The following PCDH15 variants were observed in gnomAD, a reference collection of about 807,000 sequenced individuals.
The protein encoded by PCDH15 is protocadherin related 15.
A neutral mutation model predicts 178.5 loss-of-function variants in PCDH15; 129 were observed. The observed-to-expected ratio is 0.72, with a 90% CI of 0.63 to 0.84. PCDH15 has a LOEUF of 0.84. Among genes scored for constraint, PCDH15 ranks in the 40% least tolerant of loss-of-function variants. PCDH15 has a pLI of 0.00. For synonymous variants in PCDH15, 800 were observed against 732.0 expected, an observed-to-expected ratio of 1.09 and a Z score of -1.50; for missense variants, 2,230 against 2,099.9, an observed-to-expected ratio of 1.06 and a Z score of -1.21.
At chr10:54,006,008 G>A (rs1037098062) in intron 20 of PCDH15, among the ~76,000 whole-genome samples, 4 of 152,008 alleles carry the variant, frequency 2.6e-5, no homozygotes, top group African/African-American at 2.4e-5. Context: ...AATGTGCAAC[G>A]ACATAATCAA....
rs147509240 is a variant in PCDH15, at chr10:55,621,439, T to C, written c.-156+6186A>G. ...CCCCAGGGGCTGCAGACCAGTTACC[T>C]GTTCATGGCCTGTTAGGAACTGGGC... On this transcript the variant is annotated intron_variant, in intron 2 of 5. Transcript: ENST00000613346. Among the ~76,000 whole-genome samples the C allele has an allele frequency of 5.7e-3, 870 of 152,304 alleles. 9 individuals carry two copies. The highest frequency in any genetic ancestry group is 0.02 in the African/African-American group (839 of 41,566).
At chr10:54,452,867 G>T (rs2076568379) in intron 3 of PCDH15, among the ~76,000 whole-genome samples, 1 of 152,046 alleles carries the variant, frequency 6.6e-6, no homozygotes, top group African/African-American at 2.4e-5. Flanking sequence ...TACACATTTA[G>T]ATGCTGTCCC....
At chr10:54,217,538 A>G (rs2052234173) in intron 9 of PCDH15, among the ~76,000 whole-genome samples, 1 of 152,162 alleles carries the variant, frequency 6.6e-6, no homozygotes, top group Non-Finnish European at 1.5e-5. Context: ...GGGGATGATA[A>G]AGAGATAGAA....
At chr10:53,918,483 C>T (rs2083714905) in intron 25 of PCDH15, among the ~76,000 whole-genome samples, 1 of 152,048 alleles carries the variant, frequency 6.6e-6, no homozygotes, top group Non-Finnish European at 1.5e-5. Flanking sequence ...AATAGTAGTA[C>T]TGAATAAAGA....
At position 55,557,727 on chromosome 10, in the gene PCDH15, A is replaced by T. The variant is rs545476731; in HGVS notation, c.-156+69898T>A. On this transcript the variant is annotated intron_variant, in intron 2 of 5. Transcript: ENST00000613346. Reference sequence around the variant, plus strand: ...TTGCTGCTATCTTAAAGCCAAATCAATAGTGATCCCGAAGGACAGAAGTCA... The same window carrying T: ...TTGCTGCTATCTTAAAGCCAAATCATTAGTGATCCCGAAGGACAGAAGTCA... Among the ~76,000 whole-genome samples the T allele has an allele frequency of 2.6e-5, 4 of 152,282 alleles. No individual in the cohort carries two copies. The South Asian group carries it at 8.3e-4, about 32-fold the overall frequency.
Position 53,870,288 on chromosome 10 carries a change from TA to T in PCDH15, c.3502-3432del, listed in dbSNP as rs1335965740. Among the ~76,000 whole-genome samples the T allele has an allele frequency of 4.6e-5, 7 of 152,306 alleles. No homozygotes were observed. The South Asian group carries it at 1.2e-3, about 27-fold the overall frequency. On this transcript the variant is annotated intron_variant, in intron 26 of 37. Transcript: ENST00000644397. Reference sequence around the variant, plus strand: ...AGTTTGGGTGTGGAACTAGACAATTTAACTCAGAAATAACTATTTTCTTTTA... The same window carrying T: ...AGTTTGGGTGTGGAACTAGACAATTTACTCAGAAATAACTATTTTCTTTTA...
chr10:53,930,027 C>G (rs2084908564), intron 25 of PCDH15, among the ~76,000 whole-genome samples: 1 of 152,140 alleles, frequency 6.6e-6, no homozygotes, highest in Admixed American at 6.6e-5. Context: ...GTTCTGGGTA[C>G]AGGCTTCTTG....
chr10:54,324,505 G>A (rs2061811292), intron 7 of PCDH15, among the ~76,000 whole-genome samples: 1 of 152,066 alleles, frequency 6.6e-6, no homozygotes, highest in African/African-American at 2.4e-5. Flanking sequence ...GTTCATGCCT[G>A]TAATCCCAGA....
intron 2 of PCDH15, among the ~76,000 whole-genome samples, chr10:55,102,765 G>A: frequency 6.6e-6 from 1 of 151,930 alleles, no homozygotes; most frequent in Non-Finnish European, 1.5e-5. Flanking sequence ...GCTTATTACT[G>A]ACCAGAGGCC....
At chr10:55,535,596 G>T (rs1841559362) in intron 2 of PCDH15, among the ~76,000 whole-genome samples, 1 of 151,910 alleles carries the variant, frequency 6.6e-6, no homozygotes, top group African/African-American at 2.4e-5. Context: ...CTTCTGGAAA[G>T]AAATATACAA....
At chr10:55,464,051 AAGAAAG>A (rs1373366908) in intron 2 of PCDH15, among the ~76,000 whole-genome samples, 3 of 126,280 alleles carry the variant, frequency 2.4e-5, no homozygotes, top group African/African-American at 8.2e-5. Context: ...GAAAGAAAGA[AAGAAAG>A]AAAGAAAAGG....
At position 53,883,133 on chromosome 10, in the gene PCDH15, ACAT is replaced by A. The variant is rs201752003; in HGVS notation, c.3502-16279_3502-16277del. Among the ~76,000 whole-genome samples the A allele has an allele frequency of 6.9e-3, 1,035 of 149,872 alleles. 12 individuals are homozygous for A. Among genetic ancestry groups the A allele is most frequent in the African/African-American group, 0.021 (863 of 40,520 alleles). On this transcript the variant is annotated intron_variant, in intron 26 of 37. Coordinates refer to ENST00000644397, the MANE Select transcript of PCDH15 (RefSeq NM_001384140.1). ...TACACATATGTATACATATAAAAAT[ACAT>A]AAGAATACACACACATATATACACA...
intron 15 of PCDH15, among the ~76,000 whole-genome samples, chr10:54,099,199 C>T (rs767165371): frequency 1.3e-5 from 2 of 151,946 alleles, no homozygotes; most frequent in Non-Finnish European, 2.9e-5. Context: ...AGAAAGTGCA[C>T]CTTAAAAACA....
At chr10:54,295,877 G>T (rs1414442129) in intron 8 of PCDH15, among the ~76,000 whole-genome samples, 1 of 151,258 alleles carries the variant, frequency 6.6e-6, no homozygotes, top group Non-Finnish European at 1.5e-5. Context: ...GGGCGCGGTG[G>T]CTCACGCCTG....
intron 2 of PCDH15, among the ~76,000 whole-genome samples, chr10:55,012,610 G>T (rs751512635): frequency 1.3e-5 from 2 of 151,986 alleles, no homozygotes; most frequent in African/African-American, 4.8e-5. Context: ...TTATAAAATT[G>T]TCATCTTGAG....
At chr10:54,473,650 A>G (rs1386915777) in intron 3 of PCDH15, among the ~76,000 whole-genome samples, 1 of 152,030 alleles carries the variant, frequency 6.6e-6, no homozygotes, top group African/African-American at 2.4e-5. Flanking sequence ...GTTTATTATG[A>G]GTTCAATTTT....
intron 15 of PCDH15, among the ~76,000 whole-genome samples, chr10:54,101,370 G>T (rs2094808865): frequency 6.6e-6 from 1 of 152,138 alleles, no homozygotes; most frequent in Non-Finnish European, 1.5e-5. Flanking sequence ...GCAGTGGATG[G>T]TGGGGAGGGG....
At chr10:54,956,600 G>A (rs190526996) in intron 2 of PCDH15, among the ~76,000 whole-genome samples, 15 of 151,322 alleles carry the variant, frequency 9.9e-5, no homozygotes, top group Admixed American at 2.0e-4. Flanking sequence ...ATTTAATCAC[G>A]GTATATAAAA....
chr10:53,923,113 A>G (rs1746590853), intron 25 of PCDH15, among the ~76,000 whole-genome samples: 1 of 152,102 alleles, frequency 6.6e-6, no homozygotes, highest in South Asian at 2.1e-4. Context: ...ACAAAACAAA[A>G]CACAAATATA....
Sources: gnomAD v4.1 joint callset for allele counts (sites outside exome capture counted in the v4.1 genomes callset) on GRCh38, gnomAD v4.1.1 for gene constraint, MANE v1.5 for transcripts, NCBI Gene and HGNC (gene_info 2026-07-23, HGNC 2026-07-21) for gene names.